Variants in CEP57L1 observed in about 807,000 individuals in gnomAD.
CEP57L1 encodes centrosomal protein CEP57L1.
A neutral mutation model predicts 61.0 loss-of-function variants in CEP57L1; 37 were observed. The ratio of observed to expected loss-of-function variants is 0.61; its 90% CI spans 0.47 to 0.80. The LOEUF is 0.80. CEP57L1 is among the 30% of genes least tolerant of loss of function. CEP57L1 has a pLI of 0.00. For synonymous variants in CEP57L1, 137 were observed against 162.3 expected, an observed-to-expected ratio of 0.84 and a Z score of 1.19; for missense variants, 422 against 524.7, an observed-to-expected ratio of 0.80 and a Z score of 1.91.
At chr6:109,127,879 C>T (rs964259033) in intron 1 of CEP57L1, among the ~76,000 whole-genome samples, 5 of 151,948 alleles carry the variant, frequency 3.3e-5, no homozygotes, top group East Asian at 1.9e-4. Flanking sequence ...CCGCCCGCCT[C>T]GGCCTCCCAA....
chr6:109,137,202 A>G (rs1001157870), intron 1 of CEP57L1, among the ~76,000 whole-genome samples: 9 of 152,012 alleles, frequency 5.9e-5, no homozygotes, highest in African/African-American at 1.9e-4. Flanking sequence ...GCGTATTTTC[A>G]TTTTTATTTT....
rs1774054523 is a variant in CEP57L1, at chr6:109,165,704, A to C, written c.*2734A>C. 1 of 152,168 alleles carries C rather than the reference A, an allele frequency of 6.6e-6. No homozygotes were observed. The highest frequency in any genetic ancestry group is 1.5e-5 in the Non-Finnish European group (1 of 68,044). 9.4% of individuals were successfully genotyped at this position (152,168 alleles called of 1,614,324 possible). ...TGACATTTATTATTGAGAGACAATG[A>C]AGAATGGTGTCTTGTTGCTTCATCA... is the stretch of plus-strand genomic sequence containing the variant. On this transcript the variant is annotated 3_prime_UTR_variant, in exon 11 of 11. Coordinates refer to ENST00000517392, the MANE Select transcript of CEP57L1 (RefSeq NM_001271852.3).
At chr6:109,152,302 T>C (rs1470064897) in intron 4 of CEP57L1, among the ~76,000 whole-genome samples, 1 of 152,186 alleles carries the variant, frequency 6.6e-6, no homozygotes, top group Admixed American at 6.5e-5. Context: ...TGCCTCAGCC[T>C]CCCAAGTAGC....
chr6:109,120,678 T>TA (rs1253087021), intron 1 of CEP57L1, among the ~76,000 whole-genome samples: 1 of 152,196 alleles, frequency 6.6e-6, no homozygotes, highest in East Asian at 1.9e-4. Context: ...GCACACAAAT[T>TA]ATACTAACAT....
intron 4 of CEP57L1, among the ~76,000 whole-genome samples, chr6:109,151,843 C>T (rs969594439): frequency 1.1e-4 from 16 of 152,122 alleles, no homozygotes; most frequent in African/African-American, 3.9e-4. Flanking sequence ...CCTTCTGGAT[C>T]TCATAGTTTC....
intron 1 of CEP57L1, among the ~76,000 whole-genome samples, chr6:109,122,668 G>C (rs1773107907): frequency 6.6e-6 from 1 of 152,044 alleles, no homozygotes; most frequent in Admixed American, 6.6e-5. Context: ...CGGGCATGGT[G>C]GTGCACACCT....
At chr6:109,098,756 G>C (rs1212629492) in intron 1 of CEP57L1, among the ~76,000 whole-genome samples, 1 of 152,024 alleles carries the variant, frequency 6.6e-6, no homozygotes, top group Admixed American at 6.6e-5. Flanking sequence ...GCCTCCCAAA[G>C]TGCTGAGATT....
At chr6:109,101,526 A>C (rs1490720567) in intron 1 of CEP57L1, among the ~76,000 whole-genome samples, 4 of 152,208 alleles carry the variant, frequency 2.6e-5, no homozygotes, top group African/African-American at 9.6e-5. Flanking sequence ...TCTGGGCAAA[A>C]AATTTTTAAC....
intron 4 of CEP57L1, among the ~76,000 whole-genome samples, chr6:109,152,664 T>A (rs1307472644): frequency 6.6e-6 from 1 of 150,722 alleles, no homozygotes; most frequent in Non-Finnish European, 1.5e-5. Flanking sequence ...TGTGTGTGTG[T>A]GTGTGTGTGT....
In CEP57L1 at chr6:109,165,067, ACT is replaced by A; in HGVS notation, c.*2100_*2101del. On this transcript the variant is annotated 3_prime_UTR_variant, in exon 11 of 11. Transcript: ENST00000517392. ...TACTCCAGCCTGGTGACACAGCAAG[ACT>A]CTGTCTCAAAAAAAAAAAAAAAAAT... Among the ~76,000 whole-genome samples, 1 of 148,756 alleles carries A rather than the reference ACT, an allele frequency of 6.7e-6. No homozygotes were observed. Among genetic ancestry groups the A allele is most frequent in the East Asian group, 2.0e-4 (1 of 5,050 alleles).
chr6:109,150,205 T>C lies in CEP57L1; in HGVS notation c.428T>C (p.Val143Ala). 6.2e-7 allele frequency: 1 copy of C among 1,607,046 alleles called. No homozygotes were observed. Among genetic ancestry groups the C allele is most frequent in the Non-Finnish European group, 8.5e-7 (1 of 1,174,042 alleles). Residue 143 changes from valine (V) to alanine (A), a missense_variant, in exon 4 of 11, where the codon GTA (valine) becomes GCA (alanine). By Grantham distance (64) the Val-to-Ala change is moderately conservative. Coordinates refer to ENST00000517392, the MANE Select transcript of CEP57L1 (RefSeq NM_001271852.3). ...LEYTKRMVLN[V>A]EREKNMILEQ... ...TATACAAAGAGAATGGTTCTCAACG[T>C]AGAGCGAGAAAAGAACATGATCCTA...
Position 109,107,054 on chromosome 6 carries a change from A to C in CEP57L1, c.-4+11479A>C, listed in dbSNP as rs75625550. 8.3e-3 allele frequency among the ~76,000 whole-genome samples: 1,263 copies of C among 152,322 alleles called. 23 individuals are homozygous for C. The highest frequency in any genetic ancestry group is 0.029 in the African/African-American group (1,212 of 41,568). ...AAATTTCTTATACGTTTCAAACTAC[A>C]ATTTTCAATTTAGTCTATCATTTTA... On this transcript the variant is annotated intron_variant, in intron 1 of 10. Transcript: ENST00000517392.
intron 1 of CEP57L1, among the ~76,000 whole-genome samples, chr6:109,110,425 T>TG (rs1225136096): frequency 6.6e-6 from 1 of 150,814 alleles, no homozygotes; most frequent in Non-Finnish European, 1.5e-5. Flanking sequence ...TCTTTGTAGA[T>TG]GGATAGTCAG....
intron 3 of CEP57L1, among the ~76,000 whole-genome samples, chr6:109,147,866 A>G (rs955722087): frequency 1.3e-5 from 2 of 152,220 alleles, no homozygotes; most frequent in Non-Finnish European, 2.9e-5. Flanking sequence ...AGTTACTGAC[A>G]TCCTCCTCTT....
intron 1 of CEP57L1, among the ~76,000 whole-genome samples, chr6:109,108,886 A>G (rs993769400): frequency 6.6e-6 from 1 of 152,320 alleles, no homozygotes; most frequent in African/African-American, 2.4e-5. Flanking sequence ...AGGTACACTA[A>G]CTTCGCAATT....
At chr6:109,120,908 A>ACACG (rs201574335) in intron 1 of CEP57L1, among the ~76,000 whole-genome samples, 1 of 88,132 alleles carries the variant, frequency 1.1e-5, no homozygotes, top group African/African-American at 5.0e-5. Flanking sequence ...ATACTTAGAC[A>ACACG]CACGCACACA....
intron 1 of CEP57L1, among the ~76,000 whole-genome samples, chr6:109,134,364 CCTTCATG>C (rs1285585749): frequency 6.6e-6 from 1 of 152,080 alleles, no homozygotes; most frequent in Non-Finnish European, 1.5e-5. Context: ...ATTCAACAGC[CCTTCATG>C]CTAAAAACTC....
At chr6:109,118,945 A>C (rs572053060) in intron 1 of CEP57L1, among the ~76,000 whole-genome samples, 1 of 152,214 alleles carries the variant, frequency 6.6e-6, no homozygotes, top group Non-Finnish European at 1.5e-5. Context: ...TGGGGAAGAC[A>C]TGAACAGATT....
intron 1 of CEP57L1, among the ~76,000 whole-genome samples, chr6:109,132,079 C>G (rs1294896604): frequency 2.0e-5 from 3 of 152,148 alleles, no homozygotes; most frequent in Non-Finnish European, 4.4e-5. Flanking sequence ...CAATCCGATG[C>G]TCATGTGGGT....
Sources: allele counts gnomAD v4.1 joint callset (sites outside exome capture counted in the v4.1 genomes callset), GRCh38; gene constraint gnomAD v4.1.1; transcripts MANE v1.5; gene names NCBI Gene and HGNC (gene_info 2026-07-23, HGNC 2026-07-21).